CEP128: variants seen among roughly 807,000 people sequenced by gnomAD.
CEP128 encodes the protein centrosomal protein 128, also known as centrosomal protein 128kDa.
CEP128 carries 132 observed loss-of-function variants against 156.7 expected under a neutral mutation model. That is an observed-to-expected ratio of 0.84 (90% CI 0.73 to 0.97). CEP128 has a LOEUF of 0.97. Ranked by LOEUF, CEP128 falls within the 50% of genes least tolerant of loss-of-function variation. The pLI is 0.00. For synonymous variants in CEP128, 469 were observed against 448.9 expected, an observed-to-expected ratio of 1.04 and a Z score of -0.57; for missense variants, 1,252 against 1,281.9, an observed-to-expected ratio of 0.98 and a Z score of 0.36.
chr14:80,518,121 T>C lies in CEP128; in HGVS notation c.3072+8748A>G, dbSNP rs1888577236. On this transcript the variant is annotated intron_variant, in intron 23 of 24. Transcript: ENST00000555265. ...GGAGGGGACCCAAAGGGGGTTGCCA[T>C]TGCCATCTAGAATGCCTGGGTTTAT... 2.0e-5 allele frequency among the ~76,000 whole-genome samples: 3 copies of C among 149,382 alleles called. 1 individual carries two copies. Among genetic ancestry groups the C allele is most frequent in the South Asian group, 4.4e-4 (2 of 4,508 alleles).
In CEP128 at chr14:80,569,477, G is replaced by A. The variant is rs1199308588; in HGVS notation, c.2857-10175C>T. Among the ~76,000 whole-genome samples the A allele has an allele frequency of 3.9e-5, 6 of 152,186 alleles. No individual in the cohort carries two copies. The East Asian group carries it at 9.6e-4, about 24-fold the overall frequency. On this transcript the variant is annotated intron_variant, in intron 20 of 24. Coordinates refer to ENST00000555265, the MANE Select transcript of CEP128 (RefSeq NM_152446.5). ...CACCTGGGCAGTTTTCGCCGGTAAT[G>A]ACAGCTACTCACAACCTTACCTGTG...
chr14:80,747,715 G>A (rs1476120890), intron 18 of CEP128, among the ~76,000 whole-genome samples: 1 of 152,192 alleles, frequency 6.6e-6, no homozygotes, highest in South Asian at 2.1e-4. Context: ...GCTGAGGCAG[G>A]AGAATTGCTT....
chr14:80,647,090 C>T (rs1894687711), intron 19 of CEP128, among the ~76,000 whole-genome samples: 1 of 104,964 alleles, frequency 9.5e-6, no homozygotes, highest in African/African-American at 3.4e-5. Context: ...TATATATACA[C>T]CCTTATAAAT....
chr14:80,656,242 G>T (rs113016867), intron 19 of CEP128, among the ~76,000 whole-genome samples: 1 of 121,552 alleles, frequency 8.2e-6, no homozygotes, highest in African/African-American at 3.1e-5. Flanking sequence ...GAAAGTGAAG[G>T]ATCCTCAAGT....
chr14:80,619,060 A>C (rs1893351486), intron 19 of CEP128, among the ~76,000 whole-genome samples: 1 of 152,180 alleles, frequency 6.6e-6, no homozygotes. Context: ...AAAAATGAAC[A>C]CTGCCCGCAT....
chr14:80,634,855 A>T (rs1424741210), intron 19 of CEP128, among the ~76,000 whole-genome samples: 1 of 152,108 alleles, frequency 6.6e-6, no homozygotes, highest in Non-Finnish European at 1.5e-5. Context: ...TATTCCCAAC[A>T]CAGATGTCAG....
chr14:80,511,691 T>G (rs986213995), intron 23 of CEP128, among the ~76,000 whole-genome samples: 2 of 152,066 alleles, frequency 1.3e-5, no homozygotes, highest in African/African-American at 4.8e-5. Context: ...CAGTTTTTTA[T>G]TTGAAGTTCT....
chr14:80,666,592 T>C (rs536747734), intron 19 of CEP128, among the ~76,000 whole-genome samples: 2 of 152,242 alleles, frequency 1.3e-5, no homozygotes, highest in Non-Finnish European at 2.9e-5. Context: ...CACTCATTCA[T>C]TGATTCTACA....
rs1886564216 is a variant in CEP128 at position 80,845,698 on chromosome 14, AG to A, written c.763-4931del. On this transcript the variant is annotated intron_variant, in intron 9 of 24. Transcript: ENST00000555265. ...GTTATTTTATGCCTTTGGGTTTAGA[AG>A]GGTTTTTTTTGTTTTTCACTATTTT... Among the ~76,000 whole-genome samples, 7 of 152,250 alleles carry A rather than the reference AG, an allele frequency of 4.6e-5. No homozygotes were observed. In the South Asian group the frequency reaches 1.5e-3, roughly 32 times the overall value.
intron 22 of CEP128, among the ~76,000 whole-genome samples, chr14:80,530,441 C>A: frequency 6.6e-6 from 1 of 152,178 alleles, no homozygotes; most frequent in East Asian, 1.9e-4. Context: ...ATCTCTAAAA[C>A]AAACAGTACC....
At chr14:80,696,150 G>A (rs1211055185) in intron 19 of CEP128, among the ~76,000 whole-genome samples, 1 of 152,192 alleles carries the variant, frequency 6.6e-6, no homozygotes, top group Non-Finnish European at 1.5e-5. Context: ...ATTAGTGACT[G>A]TTTGGTTACT....
At chr14:80,734,083 G>A (rs1898408598) in intron 19 of CEP128, among the ~76,000 whole-genome samples, 3 of 152,112 alleles carry the variant, frequency 2.0e-5, no homozygotes, top group Middle Eastern at 6.8e-3. Flanking sequence ...ATGGCTAAAG[G>A]TCAGGCATCA....
At chr14:80,827,836 A>G (rs995688222) in intron 13 of CEP128, among the ~76,000 whole-genome samples, 2 of 152,196 alleles carry the variant, frequency 1.3e-5, no homozygotes, top group Non-Finnish European at 2.9e-5. Flanking sequence ...AAATCAGTGA[A>G]GTGGTACTCT....
intron 20 of CEP128, among the ~76,000 whole-genome samples, chr14:80,577,364 TA>T (rs1209083775): frequency 6.6e-6 from 1 of 152,172 alleles, no homozygotes; most frequent in Non-Finnish European, 1.5e-5. Flanking sequence ...CCCTTAACAT[TA>T]CCACCTGGAC....
intron 2 of CEP128, among the ~76,000 whole-genome samples, chr14:80,952,819 C>T (rs535681847): frequency 1.1e-4 from 16 of 152,120 alleles, no homozygotes; most frequent in Middle Eastern, 3.4e-3. Flanking sequence ...ACAGAGTTGA[C>T]ATCAGAATAG....
At chr14:80,589,283 C>G (rs150144788) in intron 19 of CEP128, among the ~76,000 whole-genome samples, 1 of 152,182 alleles carries the variant, frequency 6.6e-6, no homozygotes, top group African/African-American at 2.4e-5. Context: ...TATTTTAAGC[C>G]ACTAAATTTG....
intron 21 of CEP128, among the ~76,000 whole-genome samples, chr14:80,546,335 G>A (rs1889984294): frequency 6.6e-6 from 1 of 152,146 alleles, no homozygotes; most frequent in African/African-American, 2.4e-5. Context: ...TCGCCCATGT[G>A]AAAAAGCCAG....
intron 24 of CEP128, 115 bp downstream of exon 24, chr14:80,504,797 G>C (rs1179368980): frequency 2.5e-6 from 1 of 400,020 alleles, no homozygotes; most frequent in Admixed American, 4.4e-5. Flanking sequence ...TGATTCATGA[G>C]GATTTTCTCA....
intron 16 of CEP128, among the ~76,000 whole-genome samples, chr14:80,776,828 T>C (rs1480863452): frequency 6.6e-6 from 1 of 152,126 alleles, no homozygotes; most frequent in Non-Finnish European, 1.5e-5. Context: ...TTTTAGGAAG[T>C]GGGTGAAAGA....
Sources: gnomAD v4.1 joint callset for allele counts (sites outside exome capture counted in the v4.1 genomes callset) on GRCh38, gnomAD v4.1.1 for gene constraint, MANE v1.5 for transcripts, NCBI Gene and HGNC (gene_info 2026-07-23, HGNC 2026-07-21) for gene names.